The following RNF175 variants were observed in gnomAD, a reference collection of about 807,000 sequenced individuals.
RNF175 encodes ring finger protein 175.
A neutral mutation model predicts 50.0 loss-of-function variants in RNF175; 38 were observed. The observed-to-expected ratio is 0.76, with a 90% CI of 0.59 to 1.00. The LOEUF (loss-of-function observed/expected upper bound fraction) is 1.00. Among genes scored for constraint, RNF175 ranks in the 50% least tolerant of loss-of-function variants. The pLI, the probability that RNF175 is intolerant of heterozygous loss-of-function variation, is 0.00. For missense variants in RNF175, 388 were observed against 409.6 expected (o/e 0.95, Z 0.46); for synonymous variants, 155 against 146.1 (o/e 1.06, Z -0.44).
At chr4:153,729,751 C>T in intron 3 of RNF175, 1 of 984,688 alleles carries the variant, frequency 1.0e-6, no homozygotes, top group Non-Finnish European at 1.2e-6. Context: ...TTTCAGAGAA[C>T]CCTAGAGTTG....
chr4:153,732,955 T>TA (rs1739125673), intron 3 of RNF175, among the ~76,000 whole-genome samples: 1 of 152,180 alleles, frequency 6.6e-6, no homozygotes. Flanking sequence ...CCACATGAAA[T>TA]AAGAATTTCC....
chr4:153,754,325 G>A (rs143268938), intron 1 of RNF175, among the ~76,000 whole-genome samples: 1 of 152,256 alleles, frequency 6.6e-6, no homozygotes, highest in African/African-American at 2.4e-5. Context: ...ATAAAGTTTT[G>A]AAATTTGGCC....
rs1737768091 is a variant in RNF175 at position 153,714,255 on chromosome 4, AG to A, written c.764+1273del. ...GGCCAGACTTGGAAAATTGCTACAAAGAATGAGTTTTTTGGGAAAGGTATCA... is the reference window on the plus strand; with the variant it reads ...GGCCAGACTTGGAAAATTGCTACAAAAATGAGTTTTTTGGGAAAGGTATCA... On this transcript the variant is annotated intron_variant, in intron 7 of 8. Transcript: ENST00000347063. 10 of 152,374 alleles carry A rather than the reference AG, an allele frequency of 6.6e-5. No homozygotes were observed. The South Asian group carries it at 2.1e-3, about 32-fold the overall frequency. 9.4% of individuals were successfully genotyped at this position (152,374 alleles called of 1,614,324 possible). A position where few individuals can be genotyped will look rare whatever the true frequency, so the allele number is the denominator to read the frequency against.
chr4:153,749,804 T>C (rs775077115), intron 2 of RNF175, among the ~76,000 whole-genome samples: 8 of 152,150 alleles, frequency 5.3e-5, no homozygotes, highest in Non-Finnish European at 1.0e-4. Flanking sequence ...CCTCTCAAAA[T>C]TCATACACTG....
In RNF175 at chr4:153,723,409, C is replaced by A. The variant is rs758314022; in HGVS notation, c.451G>T (p.Gly151Cys). Reference sequence around the variant, plus strand: ...ATGATCGCCAAGTAACCCACAACACCAAATGCATAGCTGAGTTTGTAGATC... The same window carrying A: ...ATGATCGCCAAGTAACCCACAACACAAAATGCATAGCTGAGTTTGTAGATC... ...LLIYKLSYAFGVVGYLAIMFT... is the reference protein window; with the variant it reads ...LLIYKLSYAFCVVGYLAIMFT... The change falls in exon 5 of 9, where the codon GGT becomes TGT. Residue 151 changes from glycine to cysteine, a missense_variant. By Grantham distance (159) the Gly-to-Cys change is radical (BLOSUM62 -3). Coordinates refer to ENST00000347063, the MANE Select transcript of RNF175 (RefSeq NM_173662.4). 2 of 1,608,584 alleles carry A rather than the reference C, an allele frequency of 1.2e-6. No homozygotes were observed. Among genetic ancestry groups the A allele is most frequent in the Admixed American group, 3.3e-5 (2 of 59,888 alleles).
intron 1 of RNF175, among the ~76,000 whole-genome samples, chr4:153,756,188 C>T (rs1740553745): frequency 6.6e-6 from 1 of 152,184 alleles, no homozygotes; most frequent in Non-Finnish European, 1.5e-5. Context: ...TTATCCCTTT[C>T]CTTGTCTGAT....
At chr4:153,726,073 A>G (rs1234929212) in intron 4 of RNF175, among the ~76,000 whole-genome samples, 5 of 149,042 alleles carry the variant, frequency 3.4e-5, no homozygotes, top group African/African-American at 1.2e-4. Flanking sequence ...TAGTGTGTGT[A>G]TGTGTGTGTG....
At chr4:153,751,510 G>T (rs761283970) in intron 1 of RNF175, 35 bp from the exon 2 acceptor site, 9 of 1,517,014 alleles carry the variant, frequency 5.9e-6, no homozygotes, top group Non-Finnish European at 8.0e-6. Context: ...ATCAAAAAAT[G>T]TCCTTATTTT....
Position 153,720,183 on chromosome 4 carries a change from C to T in RNF175, c.630+1G>A, listed in dbSNP as rs760126413. ...TTTCAGAAAATGAAAGCAACACTTA[C>T]CCCTATAGTGGAAGCCATGTAGTCT... On this transcript the variant is annotated splice_donor_variant, in intron 6 of 8. Coordinates refer to ENST00000347063, the MANE Select transcript of RNF175 (RefSeq NM_173662.4). LOFTEE classifies it high-confidence loss of function. The T allele has an allele frequency of 6.2e-7, 1 of 1,613,668 alleles. No homozygotes were observed. Among genetic ancestry groups the T allele is most frequent in the Non-Finnish European group, 8.5e-7 (1 of 1,179,672 alleles).
intron 8 of RNF175, 50 bp downstream of exon 8, chr4:153,712,425 C>T (rs1737645273): frequency 1.8e-6 from 2 of 1,138,450 alleles, no homozygotes; most frequent in African/African-American, 3.2e-5. Flanking sequence ...GAATATATCC[C>T]CAGAAACATT....
chr4:153,711,730 A>G (rs1737596423), intron 8 of RNF175, among the ~76,000 whole-genome samples: 1 of 152,194 alleles, frequency 6.6e-6, no homozygotes, highest in Admixed American at 6.5e-5. Flanking sequence ...TGAATGAGAT[A>G]TACTATGGTC....
At chr4:153,754,164 C>G (rs1375361133) in intron 1 of RNF175, among the ~76,000 whole-genome samples, 1 of 56,336 alleles carries the variant, frequency 1.8e-5, no homozygotes, top group African/African-American at 6.1e-5. Flanking sequence ...AGCAAGACTC[C>G]GTCTCAAAAA....
chr4:153,719,716 T>C (rs1424123720), intron 6 of RNF175, among the ~76,000 whole-genome samples: 1 of 152,220 alleles, frequency 6.6e-6, no homozygotes, highest in Non-Finnish European at 1.5e-5. Flanking sequence ...TCAGATGCTA[T>C]ATAATGTGAC....
At chr4:153,754,165 G>A (rs766057407) in intron 1 of RNF175, among the ~76,000 whole-genome samples, 4 of 39,888 alleles carry the variant, frequency 1.0e-4, no homozygotes, top group African/African-American at 1.6e-4. Flanking sequence ...GCAAGACTCC[G>A]TCTCAAAAAA....
chr4:153,760,012 C>A lies in RNF175; in HGVS notation c.-150G>T. On this transcript the variant is annotated 5_prime_UTR_variant, in exon 1 of 9. Transcript: ENST00000347063. ...GAGCGGCGGCCCTGCCCGGGTTGTG[C>A]GGGGCGGGAGATGGGAGCCTCCCGG... 2.3e-6 allele frequency: 1 copy of A among 429,932 alleles called. No individual in the cohort carries two copies. The highest frequency in any genetic ancestry group is 4.0e-6 in the Non-Finnish European group (1 of 252,314). 26.6% of individuals were successfully genotyped at this position (429,932 alleles called of 1,614,324 possible).
intron 1 of RNF175, among the ~76,000 whole-genome samples, chr4:153,754,938 A>AT (rs147250031): frequency 6.6e-6 from 1 of 152,140 alleles, no homozygotes; most frequent in Non-Finnish European, 1.5e-5. Flanking sequence ...GAGATAATAC[A>AT]TTTTTTTGTT....
At chr4:153,748,526 C>T in intron 3 of RNF175, 119 bp downstream of exon 3, 2 of 885,038 alleles carry the variant, frequency 2.3e-6, no homozygotes, top group African/African-American at 1.7e-5. Context: ...TTGAGAACCA[C>T]TGACTTAAAC....
chr4:153,731,067 T>C (rs1304268443), intron 3 of RNF175, among the ~76,000 whole-genome samples: 2 of 152,364 alleles, frequency 1.3e-5, no homozygotes, highest in Non-Finnish European at 2.9e-5. Context: ...TTCTTAACTA[T>C]CTTTAAAATG....
At chr4:153,751,311 A>T in intron 2 of RNF175, 127 bp downstream of exon 2, 1 of 704,318 alleles carries the variant, frequency 1.4e-6, no homozygotes, top group East Asian at 2.8e-5. Flanking sequence ...GTATTTGTGT[A>T]TCCTACCCCA....
Sources: gnomAD v4.1 joint callset for allele counts (sites outside exome capture counted in the v4.1 genomes callset) on GRCh38, gnomAD v4.1.1 for gene constraint, MANE v1.5 for transcripts, NCBI Gene and HGNC (gene_info 2026-07-23, HGNC 2026-07-21) for gene names.